PIGU: variants seen among roughly 807,000 people sequenced by gnomAD.
The protein encoded by PIGU is GPI-anchor transamidase component PIGU.
Under a neutral mutation model 49.9 loss-of-function variants are expected in PIGU, and 24 were observed. The observed-to-expected ratio is 0.48, with a 90% CI of 0.35 to 0.68. The LOEUF (loss-of-function observed/expected upper bound fraction) is 0.68. Ranked by LOEUF, PIGU falls within the 30% of genes least tolerant of loss-of-function variation. PIGU has a pLI of 0.01. For missense variants in PIGU, 490 were observed against 532.6 expected, an observed-to-expected ratio of 0.92 and a Z score of 0.79; for synonymous variants, 220 against 205.7, an observed-to-expected ratio of 1.07 and a Z score of -0.59.
chr20:34,649,018 C>T (rs1288785266), intron 2 of PIGU, among the ~76,000 whole-genome samples: 1 of 152,092 alleles, frequency 6.6e-6, no homozygotes, highest in East Asian at 1.9e-4. Context: ...CAGGCACGTG[C>T]CACCACACCC....
chr20:34,631,785 A>ATTT (rs1166878990), intron 6 of PIGU, among the ~76,000 whole-genome samples: 1 of 6,442 alleles, frequency 1.6e-4, no homozygotes, highest in Non-Finnish European at 2.2e-4. Flanking sequence ...ATATATATAT[A>ATTT]TTTTTTTTTT....
At chr20:34,567,159 C>T (rs776939712) in intron 11 of PIGU, among the ~76,000 whole-genome samples, 1 of 152,280 alleles carries the variant, frequency 6.6e-6, no homozygotes, top group Non-Finnish European at 1.5e-5. Flanking sequence ...CAAAGTGCAG[C>T]AGCCTCTGCC....
intron 3 of PIGU, among the ~76,000 whole-genome samples, chr20:34,644,823 C>A (rs1234383293): frequency 6.6e-6 from 1 of 152,094 alleles, no homozygotes. Context: ...GCCGGCTTCA[C>A]AATTAAAGCC....
chr20:34,592,476 T>C (rs941461116), intron 7 of PIGU, among the ~76,000 whole-genome samples: 12 of 150,028 alleles, frequency 8.0e-5, no homozygotes, highest in Non-Finnish European at 4.4e-5. Flanking sequence ...TAAACAACAT[T>C]AGAAATGTAA....
intron 5 of PIGU, among the ~76,000 whole-genome samples, chr20:34,636,028 T>TAA (rs71299222): frequency 2.6e-4 from 39 of 147,350 alleles, no homozygotes; most frequent in African/African-American, 3.0e-4. Flanking sequence ...CTGTCTCTAC[T>TAA]AAAAAAAAAA....
At chr20:34,659,251 T>G (rs1176495002) in intron 1 of PIGU, among the ~76,000 whole-genome samples, 17 of 78,490 alleles carry the variant, frequency 2.2e-4, no homozygotes, top group Admixed American at 4.0e-4. Flanking sequence ...GGGAGGGAGG[T>G]GGGGGGGTCA....
chr20:34,603,878 A>ACACACC (rs1984519310), intron 7 of PIGU, among the ~76,000 whole-genome samples: 1 of 152,006 alleles, frequency 6.6e-6, no homozygotes, highest in Non-Finnish European at 1.5e-5. Flanking sequence ...ACACACACAC[A>ACACACC]CACACACACA....
At chr20:34,571,254 C>G (rs1983001437) in intron 11 of PIGU, among the ~76,000 whole-genome samples, 1 of 152,162 alleles carries the variant, frequency 6.6e-6, no homozygotes, top group South Asian at 2.1e-4. Flanking sequence ...CCATAATTAG[C>G]AAATGAACCA....
intron 6 of PIGU, among the ~76,000 whole-genome samples, chr20:34,617,107 A>G (rs1985043055): frequency 6.6e-6 from 1 of 152,228 alleles, no homozygotes; most frequent in African/African-American, 2.4e-5. Flanking sequence ...AAAAGTTTGC[A>G]GTAGGGGGCG....
rs1982487119 is a variant in PIGU at position 34,561,130 on chromosome 20, C to T, written c.1195-151G>A. ...GGAGAGGCCCTCCTCAGGGCCCCCA[C>T]CTCAGGGCCCATAATTGACCCTGCA... On this transcript the variant is annotated intron_variant, in intron 11 of 11. Transcript: ENST00000217446. 5 of 607,376 alleles carry T rather than the reference C, an allele frequency of 8.2e-6. No homozygotes were observed. The South Asian group carries it at 1.0e-4, about 12-fold the overall frequency. 37.6% of individuals were successfully genotyped at this position (607,376 alleles called of 1,614,324 possible). A position where few individuals can be genotyped will look rare whatever the true frequency, so the allele number is the denominator to read the frequency against.
At chr20:34,676,487 T>C (rs1987502011) in intron 1 of PIGU, among the ~76,000 whole-genome samples, 1 of 152,188 alleles carries the variant, frequency 6.6e-6, no homozygotes, top group African/African-American at 2.4e-5. Flanking sequence ...AAGAGACGTC[T>C]AAAGCACACG....
intron 2 of PIGU, among the ~76,000 whole-genome samples, chr20:34,652,073 C>G (rs1986557830): frequency 6.6e-6 from 1 of 152,118 alleles, no homozygotes; most frequent in African/African-American, 2.4e-5. Flanking sequence ...AATCATGGCT[C>G]ACTGCAGCTT....
At position 34,669,770 on chromosome 20, in the gene PIGU, G is replaced by A. The variant is rs896671187; in HGVS notation, c.130+7186C>T. Among the ~76,000 whole-genome samples, 15 of 151,940 alleles carry A rather than the reference G, an allele frequency of 9.9e-5. No homozygotes were observed. The South Asian group carries it at 2.9e-3, about 29-fold the overall frequency. On this transcript the variant is annotated intron_variant, in intron 1 of 11. Coordinates refer to ENST00000217446, the MANE Select transcript of PIGU (RefSeq NM_080476.5). ...AGATGATAGAGGAACATGTTAAATTGTATCATGATATATAATCAGGAAAAT... is the reference window on the plus strand; with the variant it reads ...AGATGATAGAGGAACATGTTAAATTATATCATGATATATAATCAGGAAAAT...
chr20:34,671,265 T>C (rs992163836), intron 1 of PIGU, among the ~76,000 whole-genome samples: 5 of 152,244 alleles, frequency 3.3e-5, no homozygotes, highest in East Asian at 1.9e-4. Flanking sequence ...CTTTCTTTTC[T>C]TCTTCCTTTT....
At chr20:34,668,373 AATCTCCTGAATCTGGGAG>A (rs1451637536) in intron 1 of PIGU, among the ~76,000 whole-genome samples, 16 of 148,116 alleles carry the variant, frequency 1.1e-4, no homozygotes, top group Non-Finnish European at 2.2e-4. Context: ...AAGGCAGGAG[AATCTCCTGAATCTGGGAG>A]GTGGAGGTTG....
At chr20:34,673,884 G>A (rs559127398) in intron 1 of PIGU, among the ~76,000 whole-genome samples, 22 of 151,690 alleles carry the variant, frequency 1.5e-4, no homozygotes, top group Non-Finnish European at 1.2e-4. Context: ...GAAACCTCGT[G>A]TCTACTAAAA....
chr20:34,586,057 T>G (rs1983688647), intron 8 of PIGU, among the ~76,000 whole-genome samples: 1 of 152,144 alleles, frequency 6.6e-6, no homozygotes, highest in Non-Finnish European at 1.5e-5. Context: ...GAAGTGAGAC[T>G]TCTAGGGGCT....
intron 8 of PIGU, 38 bp downstream of exon 8, chr20:34,588,415 C>T (rs1244011682): frequency 1.3e-6 from 2 of 1,583,744 alleles, no homozygotes; most frequent in Non-Finnish European, 1.7e-6. Flanking sequence ...CCCTTTTCCC[C>T]ACAGCTTCTA....
intron 7 of PIGU, among the ~76,000 whole-genome samples, chr20:34,613,879 C>G (rs1255335843): frequency 6.6e-6 from 1 of 152,176 alleles, no homozygotes; most frequent in Non-Finnish European, 1.5e-5. Flanking sequence ...TCTTTAGATA[C>G]TGATGGTGGC....
Sources: gnomAD v4.1 joint callset for allele counts (sites outside exome capture counted in the v4.1 genomes callset) on GRCh38, gnomAD v4.1.1 for gene constraint, MANE v1.5 for transcripts, NCBI Gene and HGNC (gene_info 2026-07-23, HGNC 2026-07-21) for gene names.